Variants in STAT1 observed in about 807,000 individuals in gnomAD.
The protein encoded by STAT1 is signal transducer and activator of transcription 1, also known as signal transducer and activator of transcription 1-alpha/beta.
In STAT1, 24 loss-of-function variants were observed where a neutral mutation model predicts 111.7. That is an observed-to-expected ratio of 0.21 (90% confidence interval 0.16 to 0.30). The LOEUF (loss-of-function observed/expected upper bound fraction) is 0.30. STAT1 is among the 10% of genes least tolerant of loss of function. STAT1 has a pLI of 1.00. For synonymous variants in STAT1, 332 were observed against 326.5 expected (o/e 1.02, Z -0.18); for missense variants, 351 against 911.9 (o/e 0.38, Z 7.92).
chr2:190,999,558 T>C lies in STAT1; in HGVS notation c.541+68A>G. ...CTCGGCAAATAGAAAGGAGTAATCA[T>C]CTTCGTTATCTAGTGTGAACAGAAA... On this transcript the variant is annotated intron_variant, in intron 7 of 24. Coordinates refer to ENST00000361099, the MANE Select transcript of STAT1 (RefSeq NM_007315.4). The surrounding 1 kb of genome is among the most constrained non-coding windows in gnomAD (Gnocchi z 4.1). The C allele has an allele frequency of 9.4e-7, 1 of 1,061,460 alleles. No individual in the cohort carries two copies. The highest frequency in any genetic ancestry group is 2.0e-4 in the Middle Eastern group (1 of 4,974). 65.8% of individuals were successfully genotyped at this position (1,061,460 alleles called of 1,614,324 possible). A position where few individuals can be genotyped will look rare whatever the true frequency, so the allele number is the denominator to read the frequency against.
chr2:190,985,683 A>G (rs1429267731), intron 14 of STAT1, 23 bp from the exon 15 acceptor site: 12 of 1,612,688 alleles, frequency 7.4e-6, no homozygotes, highest in African/African-American at 1.3e-5. Context: ...TAATCATCTT[A>G]GTAAACACCA....
chr2:190,995,940 C>T lies in STAT1; in HGVS notation c.786-721G>A, dbSNP rs1371979756. Among the ~76,000 whole-genome samples, 6 of 152,054 alleles carry T rather than the reference C, an allele frequency of 3.9e-5. No homozygotes were observed. Among genetic ancestry groups the T allele is most frequent in the Non-Finnish European group, 7.4e-5 (5 of 68,004 alleles). On this transcript the variant is annotated intron_variant, in intron 9 of 24. Transcript: ENST00000361099. The surrounding 1 kb of genome is among the most constrained non-coding windows in gnomAD (Gnocchi z 4.2). ...GGGAAAACAGCAAAGCAGGTGCTTC[C>T]AGGTGATGCAAGAGGCAGCAAAGAG...
At position 191,007,254 on chromosome 2, in the gene STAT1, C is replaced by A. The variant is rs768215905; in HGVS notation, c.372+309G>T. On this transcript the variant is annotated intron_variant, in intron 5 of 24. Transcript: ENST00000361099. This position sits in a 1 kb window ranked among gnomAD's most constrained non-coding sequence, Gnocchi z 4.2. ...CAGCAACTCAGAGGCCTTTCCTGAC[C>A]CTGATCTAAAGGAACAACCCCACTC... 6.6e-6 allele frequency among the ~76,000 whole-genome samples: 1 copy of A among 152,142 alleles called. No individual in the cohort carries two copies. The highest frequency in any genetic ancestry group is 1.5e-5 in the Non-Finnish European group (1 of 68,024).
Position 190,979,946 on chromosome 2 carries a change from A to G in STAT1, c.1633-80T>C. 1 of 940,928 alleles carries G rather than the reference A, an allele frequency of 1.1e-6. No individual in the cohort carries two copies. The highest frequency in any genetic ancestry group is 1.7e-6 in the Non-Finnish European group (1 of 588,190). 58.3% of individuals were successfully genotyped at this position (940,928 alleles called of 1,614,324 possible). ...CATGGCCCCTCCCACCATCATTTGC[A>G]AAGACTCCCCAGGTGCCAAGGATGG... On this transcript the variant is annotated intron_variant, in intron 19 of 24. Coordinates refer to ENST00000361099, the MANE Select transcript of STAT1 (RefSeq NM_007315.4). The surrounding 1 kb of genome is among the most constrained non-coding windows in gnomAD (Gnocchi z 5.8).
At chr2:190,972,200 A>G (rs1052754012) in intron 24 of STAT1, among the ~76,000 whole-genome samples, 1 of 152,218 alleles carries the variant, frequency 6.6e-6, no homozygotes, top group African/African-American at 2.4e-5. Context: ...GATTAATAGT[A>G]CCTAGCAGAT....
At position 190,983,642 on chromosome 2, in the gene STAT1, C is replaced by G; in HGVS notation, c.1446G>C (p.Arg482Ser). 1 of 1,613,954 alleles carries G rather than the reference C, an allele frequency of 6.2e-7. No homozygotes were observed. Among genetic ancestry groups the G allele is most frequent in the East Asian group, 2.2e-5 (1 of 44,874 alleles). The change falls in exon 17 of 25, where the codon AGG (arginine) becomes AGC (serine). Residue 482 changes from arginine (R) to serine (S), a missense_variant and splice_region_variant. By Grantham distance (110) the Arg-to-Ser change is moderately radical (BLOSUM62 -1). This residue lies in a region of STAT1 where 181 missense variants were observed against 426.1 expected (regional missense o/e 0.42). Coordinates refer to ENST00000361099, the MANE Select transcript of STAT1 (RefSeq NM_007315.4). This position sits in a 1 kb window ranked among gnomAD's most constrained non-coding sequence, Gnocchi z 5.7. The stretch of plus-strand genomic sequence containing the variant: ...ACCAAAGCAAATGTGTTTTCCATAC[C>G]CTGGGTTCCGCCACCAGCATGTTGT... ...LWYNMLVAEP[R>S]NLSFFLTPPC...
chr2:190,978,171 C>A lies in STAT1; in HGVS notation c.1873+685G>T, dbSNP rs1249518132. On this transcript the variant is annotated intron_variant, in intron 21 of 24. Transcript: ENST00000361099. This position sits in a 1 kb window ranked among gnomAD's most constrained non-coding sequence, Gnocchi z 6.1. Reference sequence around the variant, plus strand: ...AAGTATAAAAATTACTAAAACAAATCAGTTTTTCCTCCTGCCCTTCAAACA... The same window carrying A: ...AAGTATAAAAATTACTAAAACAAATAAGTTTTTCCTCCTGCCCTTCAAACA... Among the ~76,000 whole-genome samples, 1 of 152,112 alleles carries A rather than the reference C, an allele frequency of 6.6e-6. No homozygotes were observed. Among genetic ancestry groups the A allele is most frequent in the Admixed American group, 6.5e-5 (1 of 15,272 alleles).
chr2:190,999,788 C>T lies in STAT1; in HGVS notation c.463-84G>A, dbSNP rs1694128102. 1.1e-6 allele frequency: 1 copy of T among 943,874 alleles called. No individual in the cohort carries two copies. The highest frequency in any genetic ancestry group is 1.7e-6 in the Non-Finnish European group (1 of 588,192). 58.5% of individuals were successfully genotyped at this position (943,874 alleles called of 1,614,324 possible). ...CAACAGAGTATTGCTTCTATGGAACCCAGAGAAACACGAAAACAATTCCAT... is the reference window on the plus strand; with the variant it reads ...CAACAGAGTATTGCTTCTATGGAACTCAGAGAAACACGAAAACAATTCCAT... On this transcript the variant is annotated intron_variant, in intron 6 of 24. Coordinates refer to ENST00000361099, the MANE Select transcript of STAT1 (RefSeq NM_007315.4). The surrounding 1 kb of genome is among the most constrained non-coding windows in gnomAD (Gnocchi z 4.1).
rs530648890 is a variant in STAT1 at position 191,008,866 on chromosome 2, C to T, written c.273+97G>A. On this transcript the variant is annotated intron_variant, in intron 4 of 24. Coordinates refer to ENST00000361099, the MANE Select transcript of STAT1 (RefSeq NM_007315.4). ...TTAGTCTCTATTACTTCTCTAAATA[C>T]CAATAAGTGTGTGCTCAATTGTATT... The T allele has an allele frequency of 4.9e-5, 65 of 1,328,054 alleles. No individual in the cohort carries two copies. In the African/African-American group the frequency reaches 7.6e-4, roughly 16 times the overall value. 82.3% of individuals were successfully genotyped at this position (1,328,054 alleles called of 1,614,324 possible). A position where few individuals can be genotyped will look rare whatever the true frequency, so the allele number is the denominator to read the frequency against.
In STAT1 at chr2:190,980,815, C is replaced by A; in HGVS notation, c.1583-146G>T. Reference sequence around the variant, plus strand: ...GTACACAGTTGACATTTTCGGATACCTTAATGCCAAATTAACTGAGCAATT... The same window carrying A: ...GTACACAGTTGACATTTTCGGATACATTAATGCCAAATTAACTGAGCAATT... On this transcript the variant is annotated intron_variant, in intron 18 of 24. Transcript: ENST00000361099. The surrounding 1 kb of genome is among the most constrained non-coding windows in gnomAD (Gnocchi z 6.1). The A allele has an allele frequency of 1.3e-6, 1 of 797,890 alleles. No homozygotes were observed. Among genetic ancestry groups the A allele is most frequent in the Non-Finnish European group, 2.2e-6 (1 of 461,558 alleles). The allele number at this position is 797,890 out of a possible 1,614,324, so 49.4% of individuals were successfully genotyped here.
intron 2 of STAT1, chr2:191,010,268 CT>C: frequency 2.0e-6 from 1 of 500,966 alleles, no homozygotes. Context: ...TCTCTGGCCT[CT>C]TTTATTTAAA....
chr2:191,001,240 TCCCC>T, intron 5 of STAT1, 77 bp from the exon 6 acceptor site: 3 of 1,111,934 alleles, frequency 2.7e-6, no homozygotes, highest in African/African-American at 1.5e-5. Flanking sequence ...CAAAGTCAAG[TCCCC>T]ACTTGCCTTC....
rs1692129540 is a variant in STAT1, at chr2:190,979,007, T to C, written c.1728-6A>G. 3.1e-6 allele frequency: 5 copies of C among 1,614,078 alleles called. No individual in the cohort carries two copies. ...TGATGAAGCCCATGATGCACCTGGATATCGAAGAGATGGACGGATGGGCTT... is the reference window on the plus strand; with the variant it reads ...TGATGAAGCCCATGATGCACCTGGACATCGAAGAGATGGACGGATGGGCTT... On this transcript the variant is annotated splice_region_variant and splice_polypyrimidine_tract_variant and intron_variant, in intron 20 of 24. Coordinates refer to ENST00000361099, the MANE Select transcript of STAT1 (RefSeq NM_007315.4). This position sits in a 1 kb window ranked among gnomAD's most constrained non-coding sequence, Gnocchi z 5.8.
At chr2:191,013,977 C>T (rs1695346527) in intron 1 of STAT1, 41 bp downstream of exon 1, 2 of 261,068 alleles carry the variant, frequency 7.7e-6, no homozygotes, top group Non-Finnish European at 1.4e-5. Flanking sequence ...TCTGTCCCTG[C>T]GCGTCCCACC....
In STAT1 at chr2:190,997,938, C is replaced by T. The variant is rs1486275875; in HGVS notation, c.703G>A (p.Glu235Lys). The T allele has an allele frequency of 6.2e-7, 1 of 1,614,212 alleles. No homozygotes were observed. The highest frequency in any genetic ancestry group is 2.2e-5 in the East Asian group (1 of 44,886). ...ELTQNALINDELVEWKRRQQS... is the reference protein window; with the variant it reads ...ELTQNALINDKLVEWKRRQQS... ...TGTCTCCGCTTCCACTCCACTAGTT[C>T]ATCATTAATCAGGGCATTCTGGGTA... The change falls in exon 9 of 25, where the codon GAA (glutamate) becomes AAA (lysine). Residue 235 changes from glutamate (E) to lysine (K), a missense_variant. Physicochemically the swap from Glu to Lys is moderately conservative, Grantham distance 56. Coordinates refer to ENST00000361099, the MANE Select transcript of STAT1 (RefSeq NM_007315.4). The surrounding 1 kb of genome is among the most constrained non-coding windows in gnomAD (Gnocchi z 7.3).
chr2:190,994,788 C>T (rs553596018), intron 10 of STAT1, among the ~76,000 whole-genome samples: 9 of 151,538 alleles, frequency 5.9e-5, no homozygotes, highest in Admixed American at 2.0e-4. Context: ...GGGTGGCATG[C>T]GCCTGTAGTC....
intron 5 of STAT1, among the ~76,000 whole-genome samples, chr2:191,002,058 G>C (rs1334738364): frequency 6.6e-6 from 1 of 152,116 alleles, no homozygotes; most frequent in Non-Finnish European, 1.5e-5. Flanking sequence ...CTTCATGTCT[G>C]GAATTTTCCT....
At position 190,995,528 on chromosome 2, in the gene STAT1, G is replaced by C. The variant is rs1283768152; in HGVS notation, c.786-309C>G. Among the ~76,000 whole-genome samples, 1 of 152,140 alleles carries C rather than the reference G, an allele frequency of 6.6e-6. No individual in the cohort carries two copies. The highest frequency in any genetic ancestry group is 1.9e-4 in the East Asian group (1 of 5,178). On this transcript the variant is annotated intron_variant, in intron 9 of 24. Transcript: ENST00000361099. This position sits in a 1 kb window ranked among gnomAD's most constrained non-coding sequence, Gnocchi z 4.2. The stretch of plus-strand genomic sequence containing the variant: ...TCGTGAGACTTACTCACTACCATGA[G>C]AACAGTATTGGGGGAACCACCCCCA...
intron 5 of STAT1, among the ~76,000 whole-genome samples, chr2:191,005,496 A>T (rs748639592): frequency 6.6e-6 from 1 of 152,196 alleles, no homozygotes; most frequent in Non-Finnish European, 1.5e-5. Flanking sequence ...TACACAAATA[A>T]CATTGTGTTA....
Sources: allele counts gnomAD v4.1 joint callset (sites outside exome capture counted in the v4.1 genomes callset), GRCh38; gene constraint gnomAD v4.1.1; regional missense constraint gnomAD v4.1.1; non-coding constraint Gnocchi (gnomAD v3.1); transcripts MANE v1.5; gene names NCBI Gene and HGNC (gene_info 2026-07-23, HGNC 2026-07-21).